ARK2N: variants seen among roughly 807,000 people sequenced by gnomAD.
The protein encoded by ARK2N is protein ARK2N.
At chr18:46,210,027 C>G in the ARK2N span, among the ~76,000 whole-genome samples, 2 of 152,180 alleles carry the variant, frequency 1.3e-5, no homozygotes, top group African/African-American at 2.4e-5. Context: ...CTTTACCCAT[C>G]CTCCTCTACC....
chr18:46,219,744 C>T, the ARK2N span, among the ~76,000 whole-genome samples: 1 of 152,140 alleles, frequency 6.6e-6, no homozygotes, highest in Non-Finnish European at 1.5e-5. Flanking sequence ...GCTGTGATTA[C>T]AGGTGTGAGC....
the ARK2N span, among the ~76,000 whole-genome samples, chr18:46,242,843 C>T: frequency 3.3e-5 from 5 of 152,250 alleles, no homozygotes; most frequent in South Asian, 1.0e-3. Context: ...ACAATTTACC[C>T]ATTCTCTTGT....
At chr18:46,176,599 C>T in the ARK2N span, among the ~76,000 whole-genome samples, 1 of 151,706 alleles carries the variant, frequency 6.6e-6, no homozygotes, top group African/African-American at 2.4e-5. Flanking sequence ...AGACCACAGG[C>T]TCACGCCACC....
the ARK2N span, among the ~76,000 whole-genome samples, chr18:46,197,128 A>T: frequency 1.3e-5 from 2 of 152,200 alleles, no homozygotes; most frequent in Admixed American, 6.5e-5. Context: ...AGGGAGGAAC[A>T]TTAAAGAATT....
the ARK2N span, among the ~76,000 whole-genome samples, chr18:46,181,989 T>G: frequency 4.6e-5 from 7 of 152,192 alleles, no homozygotes; most frequent in Non-Finnish European, 1.0e-4. Flanking sequence ...ATTTTTTTAC[T>G]GAGTTGACTA....
chr18:46,258,867 A>T, the ARK2N span, among the ~76,000 whole-genome samples: 1 of 152,188 alleles, frequency 6.6e-6, no homozygotes, highest in African/African-American at 2.4e-5. Context: ...ACCACTCCAG[A>T]GGCTTAACAA....
chr18:46,216,178 A>C, the ARK2N span: 1 of 1,613,920 alleles, frequency 6.2e-7, no homozygotes, highest in East Asian at 2.2e-5. This position sits in a 1 kb window ranked among gnomAD's most constrained non-coding sequence, Gnocchi z 4.3. Flanking sequence ...CCCTTCCTCT[A>C]GTGGTCACCT....
the ARK2N span, chr18:46,216,795 A>G: frequency 1.8e-6 from 1 of 542,796 alleles, no homozygotes; most frequent in Non-Finnish European, 3.3e-6. This position sits in a 1 kb window ranked among gnomAD's most constrained non-coding sequence, Gnocchi z 4.3. Context: ...CACATCAGGA[A>G]AAACAAAATT....
the ARK2N span, among the ~76,000 whole-genome samples, chr18:46,201,686 C>T: frequency 6.6e-6 from 1 of 152,014 alleles, no homozygotes; most frequent in Non-Finnish European, 1.5e-5. Flanking sequence ...GTTTTTTTTC[C>T]CCTAGATCTC....
chr18:46,181,760 TAA>T, the ARK2N span, among the ~76,000 whole-genome samples: 3 of 152,182 alleles, frequency 2.0e-5, no homozygotes, highest in East Asian at 5.8e-4. Flanking sequence ...GTCTAGAAAT[TAA>T]GTTTATTTTG....
At chr18:46,220,233 A>G in the ARK2N span, among the ~76,000 whole-genome samples, 1 of 152,140 alleles carries the variant, frequency 6.6e-6, no homozygotes, top group African/African-American at 2.4e-5. Context: ...GGAGAATGTC[A>G]TTGAGGCTAC....
the ARK2N span, among the ~76,000 whole-genome samples, chr18:46,230,947 T>G: frequency 1.3e-5 from 2 of 152,326 alleles, no homozygotes; most frequent in Admixed American, 6.5e-5. Flanking sequence ...CTGCCTAGTT[T>G]GTGCTAGCTC....
At chr18:46,197,945 TC>T in the ARK2N span, among the ~76,000 whole-genome samples, 1 of 152,194 alleles carries the variant, frequency 6.6e-6, no homozygotes, top group Non-Finnish European at 1.5e-5. Context: ...TTGCTAGTTT[TC>T]TTTTTAGCTG....
chr18:46,190,038 C>A, the ARK2N span, among the ~76,000 whole-genome samples: 5 of 152,144 alleles, frequency 3.3e-5, no homozygotes, highest in Admixed American at 2.0e-4. Context: ...CTAAATATAT[C>A]TATCTAAATA....
At chr18:46,247,306 G>A in the ARK2N span, among the ~76,000 whole-genome samples, 3 of 152,080 alleles carry the variant, frequency 2.0e-5, no homozygotes, top group Admixed American at 6.5e-5. Flanking sequence ...AGGATGGCAG[G>A]GTCCTAGTCA....
At chr18:46,210,410 T>G in the ARK2N span, among the ~76,000 whole-genome samples, 1 of 152,210 alleles carries the variant, frequency 6.6e-6, no homozygotes. Flanking sequence ...TACTATTTAC[T>G]GAGCTAGAGA....
At chr18:46,225,562 G>A in the ARK2N span, among the ~76,000 whole-genome samples, 3 of 152,070 alleles carry the variant, frequency 2.0e-5, no homozygotes, top group Non-Finnish European at 2.9e-5. Flanking sequence ...GGGTTCAAGC[G>A]ATTCTCCTGT....
chr18:46,221,761 G>A, the ARK2N span, among the ~76,000 whole-genome samples: 4 of 152,076 alleles, frequency 2.6e-5, no homozygotes, highest in East Asian at 7.7e-4. Flanking sequence ...TAAATATAAG[G>A]CAGTGAGGAG....
chr18:46,264,340 A>C, the ARK2N span: 1 of 152,642 alleles, frequency 6.6e-6, no homozygotes, highest in Non-Finnish European at 1.5e-5. Context: ...TTACTAGTGA[A>C]TTCTTTTAAA....
Sources: gnomAD v4.1 joint callset for allele counts (sites outside exome capture counted in the v4.1 genomes callset) on GRCh38, gnomAD v4.1.1 for gene constraint, Gnocchi (gnomAD v3.1) non-coding constraint, MANE v1.5 for transcripts, NCBI Gene and HGNC (gene_info 2026-07-23, HGNC 2026-07-21) for gene names.